Variants in BRF1 observed in about 807,000 individuals in gnomAD.
BRF1 encodes the protein BRF1 general transcription factor IIIB subunit, also known as transcription factor IIIB 90 kDa subunit.
Under a neutral mutation model 81.7 loss-of-function variants are expected in BRF1, and 59 were observed. The ratio of observed to expected loss-of-function variants is 0.72; its 90% CI spans 0.59 to 0.90. The LOEUF (loss-of-function observed/expected upper bound fraction) is 0.90. BRF1 is among the 40% of genes least tolerant of loss of function. The pLI is 0.00. For missense variants in BRF1, 1,050 were observed against 936.3 expected (o/e 1.12, Z -1.58); for synonymous variants, 491 against 395.6 (o/e 1.24, Z -2.86).
chr14:105,285,787 G>C (rs780808741), intron 2 of BRF1, among the ~76,000 whole-genome samples: 2 of 151,762 alleles, frequency 1.3e-5, no homozygotes, highest in Non-Finnish European at 2.9e-5. Context: ...TCCGATAAAA[G>C]ACTTGTACCT....
At chr14:105,286,467 A>C in intron 1 of BRF1, 91 bp from the exon 2 acceptor site, 2 of 1,335,446 alleles carry the variant, frequency 1.5e-6, no homozygotes, top group Non-Finnish European at 2.1e-6. Flanking sequence ...AGTGAGAACA[A>C]AGCGGGGGTC....
At chr14:105,305,960 C>G (rs1413961718), upstream of BRF1, among the ~76,000 whole-genome samples, 1 of 152,262 alleles carries the variant, frequency 6.6e-6, no homozygotes, top group Non-Finnish European at 1.5e-5. Flanking sequence ...TGGCTGTAAA[C>G]AGGGAGAGGC....
At chr14:105,259,419 G>A (rs1317490314) in intron 3 of BRF1, among the ~76,000 whole-genome samples, 1 of 152,094 alleles carries the variant, frequency 6.6e-6, no homozygotes, top group Non-Finnish European at 1.5e-5. Context: ...CACTGAGCTG[G>A]GGCCACAGAG....
intron 5 of BRF1, among the ~76,000 whole-genome samples, chr14:105,251,981 A>C (rs1292045549): frequency 1.3e-5 from 2 of 152,038 alleles, no homozygotes; most frequent in Non-Finnish European, 2.9e-5. Flanking sequence ...GTGGCAGAAA[A>C]ACCACAAAAG....
At position 105,221,661 on chromosome 14, in the gene BRF1, C is replaced by G; in HGVS notation, c.1302G>C (p.Gln434His). ...ATCAGAACTCACTGGGGTCGCTGCT[C>G]TGAGAGGAGATGCATTCGCGGATGG... Reference protein sequence around the residue: ...SDSIRECISSQSSDPKDASGD... With the variant: ...SDSIRECISSHSSDPKDASGD... The change falls in exon 11 of 18, where the codon CAG becomes CAC. Residue 434 changes from glutamine to histidine, a missense_variant. This residue lies in a region of BRF1 where 1,043 missense variants were observed against 915.4 expected (regional missense o/e 1.14). Coordinates refer to ENST00000547530, the MANE Select transcript of BRF1 (RefSeq NM_001519.4). 1 of 1,611,232 alleles carries G rather than the reference C, an allele frequency of 6.2e-7. No homozygotes were observed. Among genetic ancestry groups the G allele is most frequent in the Non-Finnish European group, 8.5e-7 (1 of 1,179,792 alleles).
intron 2 of BRF1, among the ~76,000 whole-genome samples, chr14:105,275,348 C>T (rs2056838335): frequency 6.6e-6 from 1 of 152,206 alleles, no homozygotes; most frequent in Non-Finnish European, 1.5e-5. Flanking sequence ...CTGAGGCCTG[C>T]AGTCCAGCTG....
chr14:105,279,191 AGAGT>A, intron 2 of BRF1, among the ~76,000 whole-genome samples: 1 of 152,148 alleles, frequency 6.6e-6, no homozygotes, highest in East Asian at 1.9e-4. Flanking sequence ...CCCGGACCAC[AGAGT>A]GAGTGAGACC....
At chr14:105,247,705 C>T (rs587672317) in intron 5 of BRF1, 4 of 985,474 alleles carry the variant, frequency 4.1e-6, no homozygotes, top group African/African-American at 1.7e-5. Flanking sequence ...TTTTAAAAGT[C>T]TAAAGCCTGG....
At chr14:105,222,527 G>A (rs587767328) in intron 10 of BRF1, 9 of 152,498 alleles carry the variant, frequency 5.9e-5, no homozygotes, top group African/African-American at 2.2e-4. Context: ...CCATCAGAAT[G>A]TCTAGCCCTG....
At chr14:105,272,504 G>A (rs1349241985) in intron 3 of BRF1, among the ~76,000 whole-genome samples, 5 of 152,240 alleles carry the variant, frequency 3.3e-5, no homozygotes, top group Non-Finnish European at 5.9e-5. Flanking sequence ...AGGGCTGTGC[G>A]AGGAAGGCAG....
chr14:105,226,800 C>G, intron 7 of BRF1, 40 bp from the exon 8 acceptor site: 1 of 1,612,032 alleles, frequency 6.2e-7, no homozygotes, highest in Admixed American at 1.7e-5. Flanking sequence ...GCTGGTGGCT[C>G]TGAAACCAGC....
intron 11 of BRF1, among the ~76,000 whole-genome samples, chr14:105,221,404 C>G (rs1044377965): frequency 6.6e-6 from 1 of 152,218 alleles, no homozygotes; most frequent in Admixed American, 6.5e-5. Context: ...GAAGGCGGTC[C>G]CAGTGAGGGT....
At chr14:105,252,855 C>G (rs925132767) in intron 4 of BRF1, among the ~76,000 whole-genome samples, 1 of 152,184 alleles carries the variant, frequency 6.6e-6, no homozygotes. Flanking sequence ...CCTCCCAGGG[C>G]GTCATCACAC....
intron 1 of BRF1, among the ~76,000 whole-genome samples, chr14:105,292,662 G>A (rs919407233): frequency 6.6e-6 from 1 of 152,176 alleles, no homozygotes; most frequent in East Asian, 1.9e-4. Context: ...ACGGGGACCC[G>A]GGAACACAGA....
intron 3 of BRF1, among the ~76,000 whole-genome samples, chr14:105,264,278 C>T (rs1482272846): frequency 2.6e-5 from 4 of 151,802 alleles, no homozygotes; most frequent in Non-Finnish European, 4.4e-5. Context: ...CAAGACCAGG[C>T]TGGGCAACAT....
intron 1 of BRF1, among the ~76,000 whole-genome samples, chr14:105,313,253 G>A (rs2140720697): frequency 6.6e-6 from 1 of 152,338 alleles, no homozygotes; most frequent in South Asian, 2.1e-4. Flanking sequence ...CAGTTCTGGG[G>A]TCAATGGGTG....
intron 1 of BRF1, chr14:105,314,830 C>T (rs2058493007): frequency 2.4e-6 from 1 of 416,364 alleles, no homozygotes; most frequent in South Asian, 9.9e-5. Context: ...GTGACCGCGC[C>T]GCCGCCCTCC....
At chr14:105,222,110 C>T (rs1202288087) in intron 10 of BRF1, 196 bp from the exon 11 acceptor site, 1 of 593,482 alleles carries the variant, frequency 1.7e-6, no homozygotes, top group African/African-American at 2.0e-5. Context: ...AAGCAGATCA[C>T]AGACCTAGGG....
chr14:105,314,913 G>A, intron 1 of BRF1: 1 of 1,010,096 alleles, frequency 9.9e-7, no homozygotes, highest in Non-Finnish European at 1.2e-6. Flanking sequence ...CGGCGGGGCC[G>A]GCGCCATGGC....
Sources: allele counts gnomAD v4.1 joint callset (sites outside exome capture counted in the v4.1 genomes callset), GRCh38; gene constraint gnomAD v4.1.1; regional missense constraint gnomAD v4.1.1; transcripts MANE v1.5; gene names NCBI Gene and HGNC (gene_info 2026-07-23, HGNC 2026-07-21).